DOCK1: variants seen among roughly 807,000 people sequenced by gnomAD.
DOCK1 encodes dedicator of cytokinesis protein 1.
In DOCK1, 138 loss-of-function variants were observed where a neutral mutation model predicts 262.7. The ratio of observed to expected loss-of-function variants is 0.53; its 90% CI spans 0.46 to 0.61. DOCK1 has a LOEUF of 0.61. DOCK1 is among the 20% of genes least tolerant of loss of function. DOCK1 has a pLI of 0.00. For missense variants in DOCK1, 1,908 were observed against 2,370.7 expected, an observed-to-expected ratio of 0.80 and a Z score of 4.05; for synonymous variants, 866 against 867.4, an observed-to-expected ratio of 1.00 and a Z score of 0.03.
At chr10:127,343,467 C>T (rs759799196) in intron 30 of DOCK1, among the ~76,000 whole-genome samples, 179 bp from the exon 31 acceptor site, 6 of 152,024 alleles carry the variant, frequency 3.9e-5, no homozygotes, top group African/African-American at 7.2e-5. Context: ...TGAGCCCACA[C>T]GCTAAGGCCT....
intron 29 of DOCK1, among the ~76,000 whole-genome samples, chr10:127,313,579 C>G (rs931215343): frequency 6.6e-6 from 1 of 152,150 alleles, no homozygotes; most frequent in African/African-American, 2.4e-5. Flanking sequence ...CCTAACCGTA[C>G]CCTTCAGGGG....
chr10:127,451,268 A>T lies in DOCK1; in HGVS notation c.5566-64A>T, dbSNP rs958434893. ...CTGTGCCAGGTCAGACCCCACCTGG[A>T]GACGGTGTCTTTTCTGTCAGGACAT... On this transcript the variant is annotated intron_variant, in intron 51 of 51. Coordinates refer to ENST00000623213, the MANE Select transcript of DOCK1 (RefSeq NM_001290223.2). 18 of 1,532,700 alleles carry T rather than the reference A, an allele frequency of 1.2e-5. No individual in the cohort carries two copies. In the African/African-American group the frequency reaches 2.1e-4, roughly 18 times the overall value. The allele number at this position is 1,532,700 out of a possible 1,614,324, so 94.9% of individuals were successfully genotyped here. A position where few individuals can be genotyped will look rare whatever the true frequency, so the allele number is the denominator to read the frequency against.
At chr10:126,941,713 C>T (rs2035019122) in intron 1 of DOCK1, among the ~76,000 whole-genome samples, 1 of 151,954 alleles carries the variant, frequency 6.6e-6, no homozygotes, top group Non-Finnish European at 1.5e-5. Context: ...CGAGATCGTG[C>T]CACTGCACTC....
intron 10 of DOCK1, among the ~76,000 whole-genome samples, chr10:127,003,097 CCTG>C (rs2040715397): frequency 6.6e-6 from 1 of 152,052 alleles, no homozygotes. Flanking sequence ...CCTGTGTGAA[CCTG>C]TGTGAACCCA....
At chr10:127,324,939 C>G (rs996117281) in intron 29 of DOCK1, among the ~76,000 whole-genome samples, 3 of 152,064 alleles carry the variant, frequency 2.0e-5, no homozygotes, top group Non-Finnish European at 4.4e-5. Context: ...TCCTCCAGAC[C>G]CACAGCTTCT....
At chr10:127,070,588 G>A (rs1410852001) in intron 23 of DOCK1, among the ~76,000 whole-genome samples, 1 of 151,786 alleles carries the variant, frequency 6.6e-6, no homozygotes, top group Non-Finnish European at 1.5e-5. Flanking sequence ...TTTCACCCAC[G>A]GTAGACGTCA....
chr10:127,098,689 G>T (rs2048055496), intron 23 of DOCK1, among the ~76,000 whole-genome samples: 1 of 152,108 alleles, frequency 6.6e-6, no homozygotes. Context: ...TTCCTTTGAT[G>T]GTGCTGGTTA....
chr10:126,991,676 T>G (rs979183880), intron 6 of DOCK1, among the ~76,000 whole-genome samples: 1 of 152,136 alleles, frequency 6.6e-6, no homozygotes, highest in African/African-American at 2.4e-5. Flanking sequence ...ATTATAGGCA[T>G]GCACCACCAT....
chr10:127,081,252 A>G (rs1321755916), intron 23 of DOCK1, among the ~76,000 whole-genome samples: 2 of 152,026 alleles, frequency 1.3e-5, no homozygotes, highest in East Asian at 1.9e-4. Context: ...TGCAGAGGCC[A>G]CTTGTTTCTA....
chr10:126,920,954 T>G (rs1488645854), intron 1 of DOCK1, among the ~76,000 whole-genome samples: 1 of 152,138 alleles, frequency 6.6e-6, no homozygotes, highest in Non-Finnish European at 1.5e-5. Context: ...CCCAGCACGT[T>G]GGGAGGCCGA....
chr10:126,953,392 TG>T (rs1300882137), intron 1 of DOCK1, among the ~76,000 whole-genome samples: 2 of 151,650 alleles, frequency 1.3e-5, no homozygotes, highest in African/African-American at 4.8e-5. Context: ...GTGTTGGTAG[TG>T]GTGGTATTGG....
chr10:127,056,105 A>T (rs539189618), intron 22 of DOCK1, among the ~76,000 whole-genome samples: 1 of 152,284 alleles, frequency 6.6e-6, no homozygotes, highest in African/African-American at 2.4e-5. Flanking sequence ...AGGCTCCCTA[A>T]GCCTCTGAGG....
intron 23 of DOCK1, among the ~76,000 whole-genome samples, chr10:127,102,187 A>G (rs1468247632): frequency 6.6e-6 from 1 of 152,104 alleles, no homozygotes; most frequent in Non-Finnish European, 1.5e-5. Context: ...GCGGTTTTGC[A>G]AAATTAGCTT....
At chr10:127,274,231 G>A (rs2060666017) in intron 29 of DOCK1, among the ~76,000 whole-genome samples, 1 of 152,154 alleles carries the variant, frequency 6.6e-6, no homozygotes, top group African/African-American at 2.4e-5. Context: ...ATTTGGGGTT[G>A]TGTTTTAGCT....
In DOCK1 at chr10:127,120,600, A is replaced by T. The variant is rs538133987; in HGVS notation, c.2624-4874A>T. 4.6e-5 allele frequency among the ~76,000 whole-genome samples: 7 copies of T among 152,312 alleles called. No individual in the cohort carries two copies. The South Asian group carries it at 1.2e-3, about 27-fold the overall frequency. ...TGTTTGGATGTGAAATTTTCACCAGACACTTGATCTTTATTTTCATCATTG... is the reference window on the plus strand; with the variant it reads ...TGTTTGGATGTGAAATTTTCACCAGTCACTTGATCTTTATTTTCATCATTG... On this transcript the variant is annotated intron_variant, in intron 25 of 51. Coordinates refer to ENST00000623213, the MANE Select transcript of DOCK1 (RefSeq NM_001290223.2).
At chr10:126,916,665 C>CTTCCTCCCCTCCTTCCTTTCCTCCTTCCT (rs1400148401) in intron 1 of DOCK1, among the ~76,000 whole-genome samples, 15 of 151,940 alleles carry the variant, frequency 9.9e-5, no homozygotes, top group African/African-American at 3.6e-4. Flanking sequence ...TCTGTCCTTT[C>CTTCCTCCCCTCCTTCCTTTCCTCCTTCCT]TTCCTCCCCT....
At chr10:126,999,181 G>A (rs1029680102) in intron 8 of DOCK1, among the ~76,000 whole-genome samples, 173 bp from the exon 9 acceptor site, 2 of 152,088 alleles carry the variant, frequency 1.3e-5, no homozygotes, top group Non-Finnish European at 2.9e-5. Context: ...CAAGGTTTTT[G>A]TGCTGTGGAT....
At chr10:127,242,774 A>C (rs1436327857) in intron 27 of DOCK1, among the ~76,000 whole-genome samples, 1 of 152,134 alleles carries the variant, frequency 6.6e-6, no homozygotes, top group East Asian at 1.9e-4. Context: ...TTTGAGTGAG[A>C]TTTCCTCTTC....
intron 27 of DOCK1, among the ~76,000 whole-genome samples, chr10:127,142,474 C>T (rs1362439518): frequency 6.6e-6 from 1 of 152,160 alleles, no homozygotes; most frequent in Non-Finnish European, 1.5e-5. Context: ...TGGGGAGGAG[C>T]AGCAGCCTGG....
Sources: gnomAD v4.1 joint callset for allele counts (sites outside exome capture counted in the v4.1 genomes callset) on GRCh38, gnomAD v4.1.1 for gene constraint, MANE v1.5 for transcripts, NCBI Gene and HGNC (gene_info 2026-07-23, HGNC 2026-07-21) for gene names.